DNAH17: variants seen among roughly 807,000 people sequenced by gnomAD.
DNAH17 encodes dynein axonemal heavy chain 17, also known as axonemal beta dynein heavy chain 17.
DNAH17 carries 376 observed loss-of-function variants against 485.6 expected under a neutral mutation model. The observed-to-expected ratio is 0.77, with a 90% confidence interval of 0.71 to 0.84. DNAH17 has a LOEUF of 0.84. DNAH17 is among the 40% of genes least tolerant of loss of function. The pLI is 0.00. For synonymous variants in DNAH17, 3,031 were observed against 2,405.9 expected (o/e 1.26, Z -7.60); for missense variants, 6,370 against 5,839.3 (o/e 1.09, Z -2.96).
At chr17:78,574,499 T>C (rs2092405187) in intron 2 of DNAH17, among the ~76,000 whole-genome samples, 1 of 148,674 alleles carries the variant, frequency 6.7e-6, no homozygotes. Flanking sequence ...TGAGACCCTG[T>C]CTCAAAAAAA....
chr17:78,542,170 G>C (rs370628982), intron 17 of DNAH17, among the ~76,000 whole-genome samples: 5 of 148,302 alleles, frequency 3.4e-5, no homozygotes, highest in African/African-American at 1.2e-4. Context: ...TTTCTGAGGT[G>C]GAGTCTCACT....
chr17:78,520,714 C>A (rs918070085), intron 25 of DNAH17, among the ~76,000 whole-genome samples: 4 of 139,430 alleles, frequency 2.9e-5, no homozygotes, highest in Non-Finnish European at 6.5e-5. Flanking sequence ...AATGAAATCA[C>A]AAAAAAATCA....
intron 75 of DNAH17, among the ~76,000 whole-genome samples, chr17:78,430,840 C>T (rs911539175): frequency 2.4e-4 from 36 of 152,100 alleles, no homozygotes; most frequent in African/African-American, 8.4e-4. Context: ...CCTCAGCCTC[C>T]CAAAGTGCTG....
rs1384868861 is a variant in DNAH17, at chr17:78,495,027, C to T, written c.5974G>A (p.Glu1992Lys). 2 of 1,612,580 alleles carry T rather than the reference C, an allele frequency of 1.2e-6. No individual in the cohort carries two copies. Among genetic ancestry groups the T allele is most frequent in the African/African-American group, 1.3e-5 (1 of 75,048 alleles). Residue 1992 changes from glutamate to lysine, a missense_variant, in exon 39 of 81, where the codon GAA becomes AAA. Coordinates refer to ENST00000389840, the MANE Select transcript of DNAH17 (RefSeq NM_173628.4). ...EIMLMAEGFL[E>K]ARLLARKFIT... is the part of the protein sequence containing the mutation. ...AACTTCCTGGCCAGAAGGCGGGCTT[C>T]CAGAAAGCCCTCGGCCATGAGCATG...
At position 78,515,067 on chromosome 17, in the gene DNAH17, G is replaced by T. The variant is rs187157455; in HGVS notation, c.3865-45C>A. 6.4e-5 allele frequency: 102 copies of T among 1,604,096 alleles called. 1 individual carries two copies. The Admixed American group carries it at 1.6e-3, about 24-fold the overall frequency. ...TTTCTCCTTCCACTCTCATCAAGGAGAATTCAGGAAGAAAACCCTCTTACC... is the reference window on the plus strand; with the variant it reads ...TTTCTCCTTCCACTCTCATCAAGGATAATTCAGGAAGAAAACCCTCTTACC... On this transcript the variant is annotated intron_variant, in intron 25 of 80. Coordinates refer to ENST00000389840, the MANE Select transcript of DNAH17 (RefSeq NM_173628.4).
chr17:78,428,458 G>T, intron 77 of DNAH17, 67 bp downstream of exon 77: 1 of 1,536,660 alleles, frequency 6.5e-7, no homozygotes, highest in Non-Finnish European at 8.8e-7. Flanking sequence ...GCCAGTCCCT[G>T]TGACCCCCTC....
At chr17:78,570,556 T>G (rs982291757) in intron 6 of DNAH17, among the ~76,000 whole-genome samples, 184 bp from the exon 7 acceptor site, 1 of 151,956 alleles carries the variant, frequency 6.6e-6, no homozygotes, top group Non-Finnish European at 1.5e-5. Context: ...CGGCCCCACA[T>G]GCCTTGAAGA....
intron 54 of DNAH17, among the ~76,000 whole-genome samples, chr17:78,474,599 C>G (rs1042444335): frequency 2.0e-5 from 3 of 149,056 alleles, no homozygotes; most frequent in Non-Finnish European, 3.0e-5. Flanking sequence ...GGGCAGGGAT[C>G]CAACCTCTCT....
At chr17:78,478,311 C>A (rs1378974226) in intron 51 of DNAH17, among the ~76,000 whole-genome samples, 16 of 140,322 alleles carry the variant, frequency 1.1e-4, no homozygotes, top group South Asian at 2.3e-4. Context: ...TCACCACAAT[C>A]ACATCACCAC....
chr17:78,494,851 T>C (rs1455924371), intron 39 of DNAH17, 31 bp from the exon 40 acceptor site: 10 of 1,576,674 alleles, frequency 6.3e-6, no homozygotes, highest in Non-Finnish European at 8.6e-6. Flanking sequence ...TGGGCAGACG[T>C]GAGCTCACCT....
chr17:78,485,532 TG>T lies in DNAH17; in HGVS notation c.7483+17del, dbSNP rs762786313. 1.5e-5 allele frequency: 23 copies of T among 1,564,654 alleles called. 1 individual carries two copies. The Middle Eastern group carries it at 6.2e-4, about 42-fold the overall frequency. Reference sequence around the variant, plus strand: ...GGGGGGCAGCCGGGTAGGCAGGGCGTGGCCGGACCAGCCTCACCCTGCAGCA... The same window carrying T: ...GGGGGGCAGCCGGGTAGGCAGGGCGTGCCGGACCAGCCTCACCCTGCAGCA... On this transcript the variant is annotated intron_variant, in intron 47 of 80. Coordinates refer to ENST00000389840, the MANE Select transcript of DNAH17 (RefSeq NM_173628.4).
chr17:78,569,854 G>C (rs908327354), intron 7 of DNAH17, among the ~76,000 whole-genome samples: 2 of 152,168 alleles, frequency 1.3e-5, no homozygotes, highest in Admixed American at 1.3e-4. Context: ...CAGGGATACA[G>C]CCCTTCAGCT....
intron 44 of DNAH17, among the ~76,000 whole-genome samples, 162 bp from the exon 45 acceptor site, chr17:78,486,668 G>A (rs1046998159): frequency 6.6e-6 from 1 of 152,222 alleles, no homozygotes; most frequent in African/African-American, 2.4e-5. Context: ...GTGCCAGAGG[G>A]GCCAGTTGCA....
intron 21 of DNAH17, 75 bp from the exon 22 acceptor site, chr17:78,529,769 G>C: frequency 1.3e-6 from 2 of 1,482,836 alleles, no homozygotes; most frequent in Non-Finnish European, 1.8e-6. Flanking sequence ...AGCCCCATGA[G>C]AGGGGGACGA....
intron 26 of DNAH17, among the ~76,000 whole-genome samples, chr17:78,513,531 G>A (rs764423800): frequency 6.6e-6 from 1 of 152,162 alleles, no homozygotes; most frequent in Non-Finnish European, 1.5e-5. Flanking sequence ...CACCTCCCAG[G>A]TTCAAGCGAT....
rs138375540 is a variant in DNAH17 at position 78,514,845 on chromosome 17, G to A, written c.4042C>T (p.Arg1348Cys). Residue 1348 changes from arginine (R) to cysteine (C), a missense_variant, in exon 26 of 81, where the codon CGT becomes TGT. Arg to Cys is a radical substitution (Grantham distance 180). Coordinates refer to ENST00000389840, the MANE Select transcript of DNAH17 (RefSeq NM_173628.4). ...NTVKNVITSL[R>C]AVSELQNPAI... ...GGGTTCTGCAGCTCGCTCACGGCAC[G>A]CAGGGACGTGATCACGTTTTTCACG... The A allele has an allele frequency of 4.3e-3, 6,883 of 1,614,064 alleles. 24 individuals are homozygous for A. The highest frequency in any genetic ancestry group is 5.5e-3 in the Non-Finnish European group (6,468 of 1,179,904).
rs375796456 is a variant in DNAH17 at position 78,562,051 on chromosome 17, A to G, written c.1570-71T>C. ...CTTCCCCAGCCTGTGGCTGTGGACA[A>G]AACGGGCAGGGCCAATCTTCAGGAG... On this transcript the variant is annotated intron_variant, in intron 11 of 80. Transcript: ENST00000389840. 42 of 1,486,992 alleles carry G rather than the reference A, an allele frequency of 2.8e-5. No individual in the cohort carries two copies. The East Asian group carries it at 4.1e-4, about 15-fold the overall frequency. The allele number at this position is 1,486,992 out of a possible 1,614,324, so 92.1% of individuals were successfully genotyped here.
chr17:78,559,958 C>T lies in DNAH17; in HGVS notation c.2031+782G>A, dbSNP rs146621218. The stretch of plus-strand genomic sequence containing the variant: ...CGGCACTCTGACCTCCCACAAGTCT[C>T]TGCTCACATCTAAAATTGCACCTGC... On this transcript the variant is annotated intron_variant, in intron 13 of 80. Transcript: ENST00000389840. Among the ~76,000 whole-genome samples, 116 of 152,278 alleles carry T rather than the reference C, an allele frequency of 7.6e-4. 1 individual carries two copies. The highest frequency in any genetic ancestry group is 2.7e-3 in the African/African-American group (113 of 41,544).
Position 78,566,821 on chromosome 17 carries a change from G to A in DNAH17, c.1453-91C>T, listed in dbSNP as rs372059498. 154 of 1,311,352 alleles carry A rather than the reference G, an allele frequency of 1.2e-4. No individual in the cohort carries two copies. In the East Asian group the frequency reaches 2.1e-3, roughly 18 times the overall value. The allele number at this position is 1,311,352 out of a possible 1,614,324, so 81.2% of individuals were successfully genotyped here. The stretch of plus-strand genomic sequence containing the variant: ...AGCCCCTGCCCTGCTGAGAGGACTC[G>A]GGACTGAGGCGCAGCTGAATGTGCT... On this transcript the variant is annotated intron_variant, in intron 10 of 80. Transcript: ENST00000389840.
Sources: allele counts gnomAD v4.1 joint callset (sites outside exome capture counted in the v4.1 genomes callset), GRCh38; gene constraint gnomAD v4.1.1; transcripts MANE v1.5; gene names NCBI Gene and HGNC (gene_info 2026-07-23, HGNC 2026-07-21).